The following GNPTAB variants were observed in gnomAD, a reference collection of about 807,000 sequenced individuals.
GNPTAB encodes N-acetylglucosamine-1-phosphate transferase subunits alpha and beta, also known as N-acetylglucosamine-1-phosphotransferase subunits alpha/beta.
GNPTAB carries 92 observed loss-of-function variants against 136.6 expected under a neutral mutation model. The observed-to-expected ratio is 0.67, with a 90% confidence interval of 0.57 to 0.80. GNPTAB has a LOEUF of 0.80. Among genes scored for constraint, GNPTAB ranks in the 30% least tolerant of loss-of-function variants. The probability of loss-of-function intolerance (pLI) is 0.00; values close to 1 mark genes in which losing one functional copy is unlikely to be tolerated. For synonymous variants in GNPTAB, 512 were observed against 535.1 expected, an observed-to-expected ratio of 0.96 and a Z score of 0.60; for missense variants, 1,343 against 1,501.8, an observed-to-expected ratio of 0.89 and a Z score of 1.75.
chr12:101,826,536 C>T (rs1340098298), intron 1 of GNPTAB, among the ~76,000 whole-genome samples: 1 of 148,730 alleles, frequency 6.7e-6, no homozygotes. Flanking sequence ...CAGACCAGCC[C>T]TACCTAGAGA....
At chr12:101,799,976 T>G (rs1310329911) in intron 1 of GNPTAB, among the ~76,000 whole-genome samples, 1 of 152,234 alleles carries the variant, frequency 6.6e-6, no homozygotes, top group Non-Finnish European at 1.5e-5. Context: ...AGAGAACTTT[T>G]GGTTTTGGTT....
intron 1 of GNPTAB, among the ~76,000 whole-genome samples, chr12:101,811,571 G>A (rs1217114665): frequency 6.6e-6 from 1 of 151,470 alleles, no homozygotes; most frequent in African/African-American, 2.4e-5. Flanking sequence ...AGGCGAAGGT[G>A]AAATTGGCAC....
At position 101,764,341 on chromosome 12, in the gene GNPTAB, TTC is replaced by T. The variant is rs281865029; in HGVS notation, c.2574_2575del (p.Asn859GlnfsTer2). ...TTCAGCATTTTCCTCCATTCTACTG[TTC>T]TCTTTTTCTTTCCCTGTGATTTTCT... On this transcript the variant is annotated frameshift_variant, in exon 13 of 21. Transcript: ENST00000299314. LOFTEE classifies it high-confidence loss of function. The T allele has an allele frequency of 3.7e-6, 6 of 1,614,042 alleles. No homozygotes were observed. Among genetic ancestry groups the T allele is most frequent in the South Asian group, 2.2e-5 (2 of 91,078 alleles).
At chr12:101,805,195 A>G (rs954880895) in intron 1 of GNPTAB, among the ~76,000 whole-genome samples, 2 of 152,234 alleles carry the variant, frequency 1.3e-5, no homozygotes, top group Admixed American at 1.3e-4. Context: ...TTATTTTTGC[A>G]AAATTGTCAT....
At chr12:101,761,071 C>T (rs1952984331) in intron 15 of GNPTAB, 56 bp downstream of exon 15, 3 of 1,343,054 alleles carry the variant, frequency 2.2e-6, no homozygotes. Context: ...TGCGCCTGAC[C>T]AGAATTAAAT....
rs570962808 is a variant in GNPTAB, at chr12:101,827,082, G to A, written c.117+3477C>T. On this transcript the variant is annotated intron_variant, in intron 1 of 20. Coordinates refer to ENST00000299314, the MANE Select transcript of GNPTAB (RefSeq NM_024312.5). ...CCTGCCACAGCCTCCTGCCTCCTGAGCAGCTGGGACTACAGGCATGTGCCA... is the reference window on the plus strand; with the variant it reads ...CCTGCCACAGCCTCCTGCCTCCTGAACAGCTGGGACTACAGGCATGTGCCA... Among the ~76,000 whole-genome samples the A allele has an allele frequency of 3.5e-3, 522 of 150,684 alleles. 4 individuals carry two copies. Among genetic ancestry groups the A allele is most frequent in the African/African-American group, 0.012 (491 of 41,016 alleles).
At chr12:101,773,021 C>T (rs575801506) in intron 7 of GNPTAB, 13 of 164,098 alleles carry the variant, frequency 7.9e-5, no homozygotes, top group Admixed American at 2.6e-4. Context: ...GATTTCATCA[C>T]ATTGGCCAGG....
At position 101,765,144 on chromosome 12, in the gene GNPTAB, A is replaced by AATAT; in HGVS notation, c.1772_1773insATAT (p.Ala592TyrfsTer24). On this transcript the variant is annotated frameshift_variant, in exon 13 of 21. Coordinates refer to ENST00000299314, the MANE Select transcript of GNPTAB (RefSeq NM_024312.5). LOFTEE classifies it high-confidence loss of function. The stretch of plus-strand genomic sequence containing the variant: ...GGTGGATGGTTTTCCACTTGTTGGC[A>AATAT]ATAGAAGCATGTCGAATTATTGGAT... The AATAT allele has an allele frequency of 1.9e-6, 3 of 1,614,190 alleles. No individual in the cohort carries two copies. The highest frequency in any genetic ancestry group is 2.5e-6 in the Non-Finnish European group (3 of 1,180,046).
Position 101,761,163 on chromosome 12 carries a change from C to CA in GNPTAB, c.3098dup (p.Ala1034GlyfsTer31). On this transcript the variant is annotated frameshift_variant, in exon 15 of 21. Transcript: ENST00000299314. LOFTEE classifies it high-confidence loss of function. ...ACGGCAGTTCGTGAATTCTGGTAGC[C>CA]AGTGTTCGGATTTCTCTGTCAGACA... 1.9e-6 allele frequency: 3 copies of CA among 1,613,944 alleles called. No individual in the cohort carries two copies. Among genetic ancestry groups the CA allele is most frequent in the Non-Finnish European group, 2.5e-6 (3 of 1,179,852 alleles).
chr12:101,830,559 C>A lies in GNPTAB; in HGVS notation c.117G>T (p.Glu39Asp), dbSNP rs765682282. ...VTIVSAFQFG[E>D]VVLEWSRDQY... ...TCCAGGCTGCGGCGCCGCTACTCAC[C>A]TCTCCGAACTGGAAGGCGGAGACGA... Residue 39 changes from glutamate to aspartate, a missense_variant and splice_region_variant, in exon 1 of 21, where the codon GAG becomes GAT. Glu to Asp is a conservative substitution (Grantham distance 45). Transcript: ENST00000299314. 3.1e-6 allele frequency: 5 copies of A among 1,596,650 alleles called. No individual in the cohort carries two copies. In the African/African-American group the frequency reaches 6.7e-5, roughly 21 times the overall value.
chr12:101,784,313 G>A (rs1320379373), intron 5 of GNPTAB, among the ~76,000 whole-genome samples: 1 of 152,170 alleles, frequency 6.6e-6, no homozygotes, highest in African/African-American at 2.4e-5. Context: ...AGGGGAAGGG[G>A]ACAGGCAGTG....
chr12:101,807,108 T>C (rs1030664462), intron 1 of GNPTAB, among the ~76,000 whole-genome samples: 2 of 152,200 alleles, frequency 1.3e-5, no homozygotes, highest in African/African-American at 2.4e-5. Context: ...TCATCCCAGG[T>C]ATACAAGCCT....
At chr12:101,783,057 A>G (rs961922982) in intron 5 of GNPTAB, among the ~76,000 whole-genome samples, 1 of 141,738 alleles carries the variant, frequency 7.1e-6, no homozygotes, top group African/African-American at 2.7e-5. Context: ...TTTCTAAAGC[A>G]TTATCTTCTA....
rs1365249318 is a variant in GNPTAB at position 101,770,072 on chromosome 12, A to C, written c.1233T>G (p.Phe411Leu). Residue 411 changes from phenylalanine to leucine, a missense_variant, in exon 10 of 21, where the codon TTT (phenylalanine) becomes TTG (leucine). Phe to Leu is a conservative substitution (Grantham distance 22, BLOSUM62 0). Coordinates refer to ENST00000299314, the MANE Select transcript of GNPTAB (RefSeq NM_024312.5). ...AATCATCTGGCCAGACATCCTTCCC[A>C]AACATGACATCATCATTTAGGTAAA... ...KFIYLNDDVM[F>L]GKDVWPDDFY... 1.2e-6 allele frequency: 2 copies of C among 1,614,158 alleles called. No individual in the cohort carries two copies.
chr12:101,781,318 T>C (rs78361304), intron 5 of GNPTAB, among the ~76,000 whole-genome samples: 1,688 of 152,104 alleles, frequency 0.011, 41 homozygotes, highest in African/African-American at 0.038. Context: ...GAAGGCAGGT[T>C]CTCCAAATTA....
chr12:101,800,551 G>T (rs1168064004), intron 1 of GNPTAB, among the ~76,000 whole-genome samples: 1 of 143,086 alleles, frequency 7.0e-6, no homozygotes, highest in Admixed American at 7.3e-5. Flanking sequence ...TTGAGGTCAG[G>T]AGTTCAAGAT....
rs140872911 is a variant in GNPTAB, at chr12:101,760,105, T to C, written c.3174A>G (p.Ser1058=). 9.9e-6 allele frequency: 16 copies of C among 1,613,416 alleles called. No homozygotes were observed. The African/African-American group carries it at 2.1e-4, about 22-fold the overall frequency. The change falls in exon 16 of 21, where the codon TCA becomes TCG. Residue 1058 remains serine, a synonymous_variant. Coordinates refer to ENST00000299314, the MANE Select transcript of GNPTAB (RefSeq NM_024312.5). ...TGLEHMLINC[S]KMLPADITQL... ...GCGTGATATCAGCAGGAAGCATTTT[T>C]GAGCAATTTATTAGCATGTGTTCCA... is the stretch of plus-strand genomic sequence containing the variant.
At chr12:101,779,248 T>C (rs1305857992) in intron 7 of GNPTAB, 1 of 152,144 alleles carries the variant, frequency 6.6e-6, no homozygotes, top group Non-Finnish European at 1.5e-5. Context: ...TCAAAGAACA[T>C]TTCTTTATAA....
intron 5 of GNPTAB, 109 bp from the exon 6 acceptor site, chr12:101,780,730 A>G (rs540549611): frequency 1.3e-6 from 1 of 797,080 alleles, no homozygotes; most frequent in East Asian, 2.6e-5. Flanking sequence ...AGCATAATAT[A>G]TGGTCCAAAA....
Sources: gnomAD v4.1 joint callset for allele counts (sites outside exome capture counted in the v4.1 genomes callset) on GRCh38, gnomAD v4.1.1 for gene constraint, MANE v1.5 for transcripts, NCBI Gene and HGNC (gene_info 2026-07-23, HGNC 2026-07-21) for gene names.